LRRC4C: variants seen among roughly 807,000 people sequenced by gnomAD.
The protein encoded by LRRC4C is leucine-rich repeat-containing protein 4C.
In LRRC4C, 5 loss-of-function variants were observed where a neutral mutation model predicts 33.6. The observed-to-expected ratio is 0.15, with a 90% confidence interval of 0.08 to 0.31. The LOEUF (loss-of-function observed/expected upper bound fraction) is 0.31. Ranked by LOEUF, LRRC4C falls within the 10% of genes least tolerant of loss-of-function variation. The pLI, the probability that LRRC4C is intolerant of heterozygous loss-of-function variation, is 1.00. For synonymous variants in LRRC4C, 329 were observed against 302.0 expected, an observed-to-expected ratio of 1.09 and a Z score of -0.93; for missense variants, 560 against 796.7, an observed-to-expected ratio of 0.70 and a Z score of 3.58.
At chr11:40,539,007 T>C (rs1015365533) in intron 3 of LRRC4C, among the ~76,000 whole-genome samples, 2 of 152,216 alleles carry the variant, frequency 1.3e-5, no homozygotes, top group African/African-American at 4.8e-5. Flanking sequence ...CTTGTAAATT[T>C]GTTTGAGTTC....
At chr11:40,553,444 AT>A (rs1013266616) in intron 3 of LRRC4C, among the ~76,000 whole-genome samples, 47 of 151,768 alleles carry the variant, frequency 3.1e-4, no homozygotes, top group East Asian at 7.7e-4. Flanking sequence ...AGGTAACATA[AT>A]TTTTTTTTGA....
At chr11:40,602,159 C>T (rs1290097970) in intron 3 of LRRC4C, among the ~76,000 whole-genome samples, 3 of 139,160 alleles carry the variant, frequency 2.2e-5, no homozygotes, top group Non-Finnish European at 4.5e-5. Flanking sequence ...CGTGCCACTG[C>T]ACTCCAGCCT....
chr11:41,191,966 C>T (rs1192540618), intron 1 of LRRC4C, among the ~76,000 whole-genome samples: 1 of 152,044 alleles, frequency 6.6e-6, no homozygotes, highest in African/African-American at 2.4e-5. Context: ...ATGGTATTCT[C>T]AAGTGTAAGA....
At chr11:40,460,705 T>C (rs1952352261) in intron 3 of LRRC4C, among the ~76,000 whole-genome samples, 3 of 152,192 alleles carry the variant, frequency 2.0e-5, no homozygotes, top group Admixed American at 2.0e-4. Flanking sequence ...TTTCCAGCTA[T>C]AGCTATGCAC....
At chr11:40,412,457 T>C (rs1014647961) in intron 3 of LRRC4C, among the ~76,000 whole-genome samples, 2 of 152,086 alleles carry the variant, frequency 1.3e-5, no homozygotes, top group African/African-American at 4.8e-5. Context: ...ATCTTTTGTT[T>C]TTAAATCTTC....
intron 1 of LRRC4C, among the ~76,000 whole-genome samples, chr11:41,417,070 G>A (rs879903810): frequency 3.3e-5 from 5 of 151,978 alleles, no homozygotes; most frequent in Non-Finnish European, 7.4e-5. Flanking sequence ...GAGAAGTCTA[G>A]CAACTCATTT....
At chr11:40,910,908 C>A (rs1045264647) in intron 2 of LRRC4C, among the ~76,000 whole-genome samples, 9 of 152,242 alleles carry the variant, frequency 5.9e-5, no homozygotes, top group Admixed American at 4.6e-4. Context: ...TATCCCATGC[C>A]TGGCTTGGAG....
At chr11:40,461,575 A>G (rs923633550) in intron 3 of LRRC4C, among the ~76,000 whole-genome samples, 12 of 151,742 alleles carry the variant, frequency 7.9e-5, no homozygotes, top group African/African-American at 2.7e-4. Flanking sequence ...TACTTTTCAA[A>G]TTGTTTGATA....
At chr11:41,162,427 G>A (rs561453292) in intron 1 of LRRC4C, among the ~76,000 whole-genome samples, 10 of 152,112 alleles carry the variant, frequency 6.6e-5, no homozygotes, top group African/African-American at 1.9e-4. Context: ...GAACAGCCAC[G>A]CATCATTTAA....
intron 3 of LRRC4C, among the ~76,000 whole-genome samples, chr11:40,440,268 T>A (rs1256871830): frequency 6.6e-6 from 1 of 151,518 alleles, no homozygotes; most frequent in Non-Finnish European, 1.5e-5. Context: ...GTGTGACTCT[T>A]AAATGACAAA....
chr11:40,219,460 C>T (rs1054783476), intron 5 of LRRC4C, among the ~76,000 whole-genome samples: 1 of 152,064 alleles, frequency 6.6e-6, no homozygotes, highest in Non-Finnish European at 1.5e-5. Context: ...TGCTTTATCC[C>T]GAGTACTTAG....
intron 2 of LRRC4C, among the ~76,000 whole-genome samples, chr11:40,753,142 A>G (rs1193871261): frequency 6.6e-6 from 1 of 151,918 alleles, no homozygotes; most frequent in Non-Finnish European, 1.5e-5. Context: ...GGAAGAGTGT[A>G]AGGATGGGAG....
chr11:40,696,097 A>G (rs7926859), intron 2 of LRRC4C, among the ~76,000 whole-genome samples: 3,826 of 117,432 alleles, frequency 0.033, 155 homozygotes, highest in African/African-American at 0.1. Flanking sequence ...GAGTGTGTGT[A>G]TATATATATA....
chr11:41,311,614 A>G (rs143485199), intron 1 of LRRC4C, among the ~76,000 whole-genome samples: 37 of 152,344 alleles, frequency 2.4e-4, no homozygotes, highest in African/African-American at 8.4e-4. Flanking sequence ...TAACCAGGAA[A>G]TATATTTTGG....
chr11:40,633,175 AAG>A (rs769218211), intron 3 of LRRC4C, among the ~76,000 whole-genome samples: 5 of 152,174 alleles, frequency 3.3e-5, no homozygotes, highest in Non-Finnish European at 5.9e-5. Context: ...ATCAAGTTCA[AAG>A]AGAGAAGTCA....
At chr11:40,799,250 A>C (rs899183848) in intron 2 of LRRC4C, among the ~76,000 whole-genome samples, 2 of 152,096 alleles carry the variant, frequency 1.3e-5, no homozygotes, top group Non-Finnish European at 1.5e-5. Context: ...TCTAACCTTA[A>C]TTTTTGTGTA....
At chr11:41,054,486 A>G (rs777157158) in intron 1 of LRRC4C, among the ~76,000 whole-genome samples, 1 of 152,206 alleles carries the variant, frequency 6.6e-6, no homozygotes, top group South Asian at 2.1e-4. Context: ...CTGAATATCT[A>G]GAGGTGTTGC....
chr11:40,623,101 C>A (rs1962608688), intron 3 of LRRC4C, among the ~76,000 whole-genome samples: 1 of 151,572 alleles, frequency 6.6e-6, no homozygotes, highest in African/African-American at 2.4e-5. Context: ...ATTTTAGAAT[C>A]TACCAAGATT....
At chr11:40,313,160 A>G (rs1228002412) in intron 4 of LRRC4C, among the ~76,000 whole-genome samples, 1 of 152,054 alleles carries the variant, frequency 6.6e-6, no homozygotes, top group Non-Finnish European at 1.5e-5. Flanking sequence ...TTTGTAATCG[A>G]TCAAATAGAT....
Sources: allele counts gnomAD v4.1 joint callset (sites outside exome capture counted in the v4.1 genomes callset), GRCh38; gene constraint gnomAD v4.1.1; transcripts MANE v1.5; gene names NCBI Gene and HGNC (gene_info 2026-07-23, HGNC 2026-07-21).